Variants in MTDH observed in about 807,000 individuals in gnomAD.
The protein encoded by MTDH is protein LYRIC.
MTDH carries 34 observed loss-of-function variants against 72.7 expected under a neutral mutation model. That is an observed-to-expected ratio of 0.47 (90% CI 0.36 to 0.62). MTDH has a LOEUF of 0.62. Among genes scored for constraint, MTDH ranks in the 20% least tolerant of loss-of-function variants. The pLI is 0.00. For synonymous variants in MTDH, 266 were observed against 268.9 expected, an observed-to-expected ratio of 0.99 and a Z score of 0.10; for missense variants, 677 against 699.4, an observed-to-expected ratio of 0.97 and a Z score of 0.36.
intron 10 of MTDH, among the ~76,000 whole-genome samples, chr8:97,719,934 C>T (rs1586286595): frequency 6.6e-6 from 1 of 152,174 alleles, no homozygotes; most frequent in East Asian, 1.9e-4. Context: ...GACCATTTTA[C>T]AAAAGGCCTA....
At position 97,706,654 on chromosome 8, in the gene MTDH, T is replaced by C; in HGVS notation, c.1176T>C (p.Ser392=). The C allele has an allele frequency of 6.2e-7, 1 of 1,613,164 alleles. No homozygotes were observed. Among genetic ancestry groups the C allele is most frequent in the South Asian group, 1.1e-5 (1 of 90,886 alleles). Residue 392 remains serine (S), a synonymous_variant, in exon 8 of 12, where the codon TCT becomes TCC. Coordinates refer to ENST00000336273, the MANE Select transcript of MTDH (RefSeq NM_178812.4). ...GTCTGTCTTCTGCTGATCCCAACTC[T>C]GATTGGAATGCACCAGCAGAAGAGT... ...LNGLSSADPN[S]DWNAPAEEWG...
intron 9 of MTDH, among the ~76,000 whole-genome samples, chr8:97,714,930 A>T (rs886711288): frequency 6.6e-6 from 1 of 151,828 alleles, no homozygotes; most frequent in Non-Finnish European, 1.5e-5. Flanking sequence ...GGTTCAAGCG[A>T]TTCTCCTGCC....
chr8:97,661,249 C>T (rs1398846715), intron 2 of MTDH, 76 bp downstream of exon 2: 17 of 1,120,326 alleles, frequency 1.5e-5, no homozygotes, highest in Non-Finnish European at 2.2e-5. Flanking sequence ...TTTTCTGTTT[C>T]ATAAGATTGT....
intron 1 of MTDH, among the ~76,000 whole-genome samples, chr8:97,660,488 A>G (rs905169087): frequency 2.6e-5 from 4 of 152,252 alleles, no homozygotes; most frequent in African/African-American, 9.6e-5. Context: ...ATAAAAATAA[A>G]GAACAAAGAT....
rs1217267998 is a variant in MTDH at position 97,659,179 on chromosome 8, TAAAC to T, written c.382-1889_382-1886del. On this transcript the variant is annotated intron_variant, in intron 1 of 11. Transcript: ENST00000336273. ...AAATGATGATATTAGAAAGTAAAAT[TAAAC>T]AAAGTTTTGTATTCCTGATGTAGAT... Among the ~76,000 whole-genome samples the T allele has an allele frequency of 1.1e-3, 162 of 152,118 alleles. 2 individuals are homozygous for T. The highest frequency in any genetic ancestry group is 3.6e-3 in the African/African-American group (148 of 41,496).
intron 2 of MTDH, among the ~76,000 whole-genome samples, chr8:97,674,937 A>G (rs894048067): frequency 1.2e-4 from 18 of 152,056 alleles, no homozygotes; most frequent in African/African-American, 4.1e-4. Flanking sequence ...CAGCTTCCCA[A>G]GTAGCTGGGA....
intron 2 of MTDH, among the ~76,000 whole-genome samples, chr8:97,670,556 G>A (rs1341262313): frequency 6.6e-6 from 1 of 152,198 alleles, no homozygotes; most frequent in Non-Finnish European, 1.5e-5. Context: ...CCCAGGAGGT[G>A]GAGGTTGCAG....
intron 2 of MTDH, among the ~76,000 whole-genome samples, chr8:97,665,085 A>T (rs1183294991): frequency 6.6e-6 from 1 of 152,174 alleles, no homozygotes; most frequent in Non-Finnish European, 1.5e-5. Context: ...AAAGAAATAC[A>T]TCTTTGATCT....
At chr8:97,722,178 T>A (rs1216070903) in intron 10 of MTDH, among the ~76,000 whole-genome samples, 1 of 151,636 alleles carries the variant, frequency 6.6e-6, no homozygotes, top group Non-Finnish European at 1.5e-5. Flanking sequence ...GTGGGAGGAT[T>A]GCTTGAGCCC....
intron 2 of MTDH, among the ~76,000 whole-genome samples, chr8:97,670,567 C>T (rs749432575): frequency 2.6e-5 from 4 of 151,654 alleles, no homozygotes; most frequent in Non-Finnish European, 5.9e-5. Context: ...GAGGTTGCAG[C>T]GAGCTGAGAT....
chr8:97,663,000 A>T lies in MTDH; in HGVS notation c.483+1827A>T, dbSNP rs192916752. On this transcript the variant is annotated intron_variant, in intron 2 of 11. Coordinates refer to ENST00000336273, the MANE Select transcript of MTDH (RefSeq NM_178812.4). Reference sequence around the variant, plus strand: ...TGACTTTGTCTTTGGCAGAAAAGTAATGACTTGTGTTAACAAGTAAGCATG... The same window carrying T: ...TGACTTTGTCTTTGGCAGAAAAGTATTGACTTGTGTTAACAAGTAAGCATG... Among the ~76,000 whole-genome samples the T allele has an allele frequency of 9.2e-3, 1,404 of 152,228 alleles. 19 individuals are homozygous for T. The highest frequency in any genetic ancestry group is 0.015 in the Non-Finnish European group (990 of 68,006).
intron 2 of MTDH, among the ~76,000 whole-genome samples, chr8:97,682,281 T>TATGTATATATATATATA: frequency 4.2e-4 from 1 of 2,362 alleles, no homozygotes; most frequent in African/African-American, 1.4e-3. Context: ...TATATATATA[T>TATGTATATATATATATA]TTTTTTTTTT....
chr8:97,691,390 C>T (rs1339017749), intron 6 of MTDH, among the ~76,000 whole-genome samples: 1 of 152,166 alleles, frequency 6.6e-6, no homozygotes, highest in Non-Finnish European at 1.5e-5. Flanking sequence ...TTACTCTTTA[C>T]ATAGTGCTTT....
intron 1 of MTDH, among the ~76,000 whole-genome samples, chr8:97,651,387 A>C (rs1811766961): frequency 6.6e-6 from 1 of 152,226 alleles, no homozygotes; most frequent in Non-Finnish European, 1.5e-5. Flanking sequence ...GCACTTCAGC[A>C]CTACAGTTGG....
In MTDH at chr8:97,644,734, C is replaced by G. The variant is rs201534103; in HGVS notation, c.228C>G (p.Ala76=). Residue 76 remains alanine (A), a synonymous_variant, in exon 1 of 12, where the codon GCC becomes GCG. Transcript: ENST00000336273. ...GCTACGGCTGGGCCGCGGCTTGCGC[C>G]GGCGCCCGCAAAAAGCGGAGGAGCC... ...LLGYGWAAAC[A]GARKKRRSPP... The G allele has an allele frequency of 1.1e-3, 1,672 of 1,576,614 alleles. 7 individuals are homozygous for G. The African/African-American group carries it at 0.014, about 13-fold the overall frequency.
chr8:97,707,823 G>C (rs947789339), intron 8 of MTDH, among the ~76,000 whole-genome samples: 1 of 151,226 alleles, frequency 6.6e-6, no homozygotes, highest in Non-Finnish European at 1.5e-5. Flanking sequence ...TGAGGCAGGA[G>C]GATTGTTTGA....
At chr8:97,710,065 A>C (rs1260028680) in intron 8 of MTDH, among the ~76,000 whole-genome samples, 7 of 152,190 alleles carry the variant, frequency 4.6e-5, no homozygotes, top group Non-Finnish European at 1.0e-4. Context: ...TAATCATTAC[A>C]AGACCTTGAA....
In MTDH at chr8:97,664,982, G is replaced by A. The variant is rs546569271; in HGVS notation, c.483+3809G>A. ...CACCACATTGACCAAGGCTGGTCGC[G>A]AACTCCTGACCTCAGGTGATCTGCC... On this transcript the variant is annotated intron_variant, in intron 2 of 11. Coordinates refer to ENST00000336273, the MANE Select transcript of MTDH (RefSeq NM_178812.4). Among the ~76,000 whole-genome samples, 5 of 152,190 alleles carry A rather than the reference G, an allele frequency of 3.3e-5. No homozygotes were observed. The East Asian group carries it at 5.8e-4, about 18-fold the overall frequency.
At chr8:97,680,044 T>G (rs982187875) in intron 2 of MTDH, among the ~76,000 whole-genome samples, 3 of 152,132 alleles carry the variant, frequency 2.0e-5, no homozygotes, top group African/African-American at 7.2e-5. Flanking sequence ...ATCTAATGAT[T>G]ATTTATCAAA....
Sources: allele counts gnomAD v4.1 joint callset (sites outside exome capture counted in the v4.1 genomes callset), GRCh38; gene constraint gnomAD v4.1.1; transcripts MANE v1.5; gene names NCBI Gene and HGNC (gene_info 2026-07-23, HGNC 2026-07-21).